The following FSTL5 variants were observed in gnomAD, a reference collection of about 807,000 sequenced individuals.
The protein encoded by FSTL5 is follistatin-related protein 5.
In FSTL5, 62 loss-of-function variants were observed where a neutral mutation model predicts 89.1. That is an observed-to-expected ratio of 0.70 (90% CI 0.57 to 0.86). The LOEUF (loss-of-function observed/expected upper bound fraction) is 0.86. FSTL5 is among the 40% of genes least tolerant of loss of function. FSTL5 has a pLI of 0.00. For missense variants in FSTL5, 1,057 were observed against 1,001.6 expected (o/e 1.06, Z -0.75); for synonymous variants, 383 against 346.2 (o/e 1.11, Z -1.18).
chr4:162,151,026 C>A, intron 1 of FSTL5, among the ~76,000 whole-genome samples: 1 of 151,958 alleles, frequency 6.6e-6, no homozygotes, highest in Non-Finnish European at 1.5e-5. Context: ...ATAGAGAAAT[C>A]AATTACTTTA....
chr4:161,438,387 A>G (rs963421837), intron 15 of FSTL5, among the ~76,000 whole-genome samples: 2 of 152,122 alleles, frequency 1.3e-5, no homozygotes, highest in African/African-American at 4.8e-5. Context: ...TGCTACTTAG[A>G]AATAAGTGAG....
chr4:161,399,220 G>A (rs1455609702), intron 15 of FSTL5, among the ~76,000 whole-genome samples: 1 of 152,056 alleles, frequency 6.6e-6, no homozygotes, highest in African/African-American at 2.4e-5. Context: ...TAGTGGCACT[G>A]ATGTCATGAA....
rs1355586844 is a variant in FSTL5, at chr4:161,707,652, G to A, written c.728-51158C>T. ...CTATTTTAGTATTATTCTGCCAAAT[G>A]TATTGATATACACAAATACTTAATT... On this transcript the variant is annotated intron_variant, in intron 6 of 15. Coordinates refer to ENST00000306100, the MANE Select transcript of FSTL5 (RefSeq NM_020116.5). Among the ~76,000 whole-genome samples the A allele has an allele frequency of 2.6e-5, 4 of 151,764 alleles. No individual in the cohort carries two copies. The South Asian group carries it at 8.3e-4, about 31-fold the overall frequency.
At chr4:161,419,461 A>G (rs2126308771) in intron 15 of FSTL5, among the ~76,000 whole-genome samples, 1 of 152,300 alleles carries the variant, frequency 6.6e-6, no homozygotes, top group East Asian at 1.9e-4. Context: ...CTCCTAAAGA[A>G]AAGAGGTAAG....
chr4:161,858,105 C>T (rs111884022), intron 4 of FSTL5, among the ~76,000 whole-genome samples: 2,201 of 152,150 alleles, frequency 0.014, 53 homozygotes, highest in African/African-American at 0.049. Flanking sequence ...AGAACCCTCA[C>T]GGACAGGATG....
At chr4:161,918,028 T>C (rs1022204428) in intron 4 of FSTL5, among the ~76,000 whole-genome samples, 5 of 152,202 alleles carry the variant, frequency 3.3e-5, no homozygotes, top group African/African-American at 1.2e-4. Context: ...GTTTTGCAGT[T>C]CTTTAACCTA....
intron 2 of FSTL5, among the ~76,000 whole-genome samples, chr4:162,108,203 T>G (rs1435638834): frequency 6.6e-6 from 1 of 152,162 alleles, no homozygotes; most frequent in Non-Finnish European, 1.5e-5. Context: ...CATGATAGAT[T>G]GTTGTGTCAT....
intron 4 of FSTL5, among the ~76,000 whole-genome samples, chr4:161,818,136 G>C (rs930722151): frequency 5.9e-5 from 9 of 152,266 alleles, no homozygotes; most frequent in African/African-American, 1.7e-4. Context: ...ACAGGCAGCT[G>C]GACATCAAGA....
At chr4:161,535,882 T>C (rs1027177906) in intron 10 of FSTL5, among the ~76,000 whole-genome samples, 2 of 152,088 alleles carry the variant, frequency 1.3e-5, no homozygotes, top group African/African-American at 4.8e-5. Flanking sequence ...GTGGTAGATA[T>C]ACATCATGGA....
At chr4:161,474,931 T>C (rs1020338947) in intron 13 of FSTL5, among the ~76,000 whole-genome samples, 1 of 152,114 alleles carries the variant, frequency 6.6e-6, no homozygotes, top group South Asian at 2.1e-4. Flanking sequence ...AGTCTAATTA[T>C]GGCAAGCAAA....
chr4:161,656,247 T>C, intron 7 of FSTL5, 81 bp downstream of exon 7: 1 of 671,108 alleles, frequency 1.5e-6, no homozygotes, highest in Non-Finnish European at 2.3e-6. Flanking sequence ...CAATATTCAT[T>C]AAGCTCCCCT....
chr4:161,642,528 G>C (rs760242200), intron 7 of FSTL5, among the ~76,000 whole-genome samples: 1 of 151,998 alleles, frequency 6.6e-6, no homozygotes, highest in African/African-American at 2.4e-5. Flanking sequence ...ACAGCAAGAT[G>C]GATATACAAA....
chr4:161,405,304 C>A (rs1008451294), intron 15 of FSTL5, among the ~76,000 whole-genome samples: 4 of 144,574 alleles, frequency 2.8e-5, no homozygotes, highest in African/African-American at 5.1e-5. Flanking sequence ...ACAACAACAA[C>A]AACAAAAAGC....
chr4:161,498,561 G>T (rs1156435834), intron 12 of FSTL5, among the ~76,000 whole-genome samples: 1 of 152,132 alleles, frequency 6.6e-6, no homozygotes, highest in East Asian at 1.9e-4. Context: ...TATCTTATTA[G>T]TATTAGTAAT....
rs139391451 is a variant in FSTL5 at position 162,038,396 on chromosome 4, G to A, written c.127-4738C>T. On this transcript the variant is annotated intron_variant, in intron 2 of 15. Transcript: ENST00000306100. ...GCAAAGACAATCTGGGAAGAAGTACGGTTTTATAATAAATACAAGAGTCAA... is the reference window on the plus strand; with the variant it reads ...GCAAAGACAATCTGGGAAGAAGTACAGTTTTATAATAAATACAAGAGTCAA... Among the ~76,000 whole-genome samples, 55 of 151,840 alleles carry A rather than the reference G, an allele frequency of 3.6e-4. No homozygotes were observed. In the East Asian group the frequency reaches 7.1e-3, roughly 20 times the overall value.
chr4:162,126,386 T>C (rs944125061), intron 1 of FSTL5, among the ~76,000 whole-genome samples: 2 of 152,158 alleles, frequency 1.3e-5, no homozygotes, highest in South Asian at 2.1e-4. Context: ...TCAAATGTCT[T>C]GTGGCATTTA....
intron 3 of FSTL5, among the ~76,000 whole-genome samples, chr4:161,987,098 T>C (rs1578920926): frequency 6.6e-6 from 1 of 152,144 alleles, no homozygotes; most frequent in Non-Finnish European, 1.5e-5. Context: ...GCATTTCCCC[T>C]TCCTGTCCCA....
intron 2 of FSTL5, among the ~76,000 whole-genome samples, chr4:162,100,403 A>G (rs1730948539): frequency 6.6e-6 from 1 of 152,178 alleles, no homozygotes; most frequent in African/African-American, 2.4e-5. Flanking sequence ...TACTAAAAAT[A>G]CAAAAAATTA....
intron 7 of FSTL5, among the ~76,000 whole-genome samples, chr4:161,651,664 T>TATGAGTTA (rs1736349640): frequency 1.3e-5 from 2 of 152,128 alleles, no homozygotes; most frequent in South Asian, 4.1e-4. Flanking sequence ...CACCAAAAAA[T>TATGAGTTA]ATGAGTTAAT....
Sources: allele counts gnomAD v4.1 joint callset (sites outside exome capture counted in the v4.1 genomes callset), GRCh38; gene constraint gnomAD v4.1.1; transcripts MANE v1.5; gene names NCBI Gene and HGNC (gene_info 2026-07-23, HGNC 2026-07-21).